IGSF9B: variants seen among roughly 807,000 people sequenced by gnomAD.
The protein encoded by IGSF9B is immunoglobulin superfamily member 9B, also known as protein turtle homolog B.
Under a neutral mutation model 143.7 loss-of-function variants are expected in IGSF9B, and 48 were observed. The ratio of observed to expected loss-of-function variants is 0.33; its 90% CI spans 0.26 to 0.42. The LOEUF is 0.42. IGSF9B is among the 20% of genes least tolerant of loss of function. The probability of loss-of-function intolerance (pLI) is 1.00; values close to 1 mark genes in which losing one functional copy is unlikely to be tolerated. For missense variants in IGSF9B, 1,706 were observed against 1,980.0 expected (o/e 0.86, Z 2.63); for synonymous variants, 903 against 833.1 (o/e 1.08, Z -1.44).
intron 12 of IGSF9B, 39 bp downstream of exon 12, chr11:133,929,632 A>C: frequency 7.0e-7 from 1 of 1,436,982 alleles, no homozygotes; most frequent in Admixed American, 1.7e-5. Context: ...GGAGAAGCAG[A>C]GAGCAAAGCA....
chr11:133,931,631 G>C lies in IGSF9B; in HGVS notation c.1251+24C>G. 2 of 1,608,066 alleles carry C rather than the reference G, an allele frequency of 1.2e-6. No individual in the cohort carries two copies. Among genetic ancestry groups the C allele is most frequent in the Non-Finnish European group, 1.7e-6 (2 of 1,176,222 alleles). On this transcript the variant is annotated intron_variant, in intron 9 of 19. Coordinates refer to ENST00000533871, the MANE Select transcript of IGSF9B (RefSeq NM_001277285.4). This position sits in a 1 kb window ranked among gnomAD's most constrained non-coding sequence, Gnocchi z 7.7. ...GGATCCAGGTGCCCAGCTCATGGAG[G>C]CCGTCACAGCCCTGGGACCTCACCT...
At position 133,936,807 on chromosome 11, in the gene IGSF9B, G is replaced by A. The variant is rs149637657; in HGVS notation, c.679+569C>T. Among the ~76,000 whole-genome samples, 887 of 152,260 alleles carry A rather than the reference G, an allele frequency of 5.8e-3. 8 individuals carry two copies. The highest frequency in any genetic ancestry group is 0.02 in the African/African-American group (843 of 41,552). Reference sequence around the variant, plus strand: ...GAGGCAGGGCTGGGGAGGCTAAGCCGGGGGCCGAGTTCAGCACAGGGTAGA... The same window carrying A: ...GAGGCAGGGCTGGGGAGGCTAAGCCAGGGGCCGAGTTCAGCACAGGGTAGA... On this transcript the variant is annotated intron_variant, in intron 5 of 19. Transcript: ENST00000533871.
At position 133,926,381 on chromosome 11, in the gene IGSF9B, C is replaced by T. The variant is rs921479113; in HGVS notation, c.1808-416G>A. On this transcript the variant is annotated intron_variant, in intron 13 of 19. Coordinates refer to ENST00000533871, the MANE Select transcript of IGSF9B (RefSeq NM_001277285.4). Reference sequence around the variant, plus strand: ...GTCCACCTTGGCGGCCGCTCAGGAGCGGATTCTGGGAAAGGGGCTGGAGTC... The same window carrying T: ...GTCCACCTTGGCGGCCGCTCAGGAGTGGATTCTGGGAAAGGGGCTGGAGTC... 2.0e-5 allele frequency among the ~76,000 whole-genome samples: 3 copies of T among 152,198 alleles called. No individual in the cohort carries two copies. In the East Asian group the frequency reaches 5.8e-4, roughly 29 times the overall value.
intron 1 of IGSF9B, among the ~76,000 whole-genome samples, chr11:133,947,071 C>T (rs751524798): frequency 1.6e-4 from 25 of 152,138 alleles, no homozygotes; most frequent in Non-Finnish European, 3.5e-4. Context: ...CGAAATCAGA[C>T]GGTGGGATAG....
chr11:133,929,679 G>A lies in IGSF9B; in HGVS notation c.1623C>T (p.Phe541=). ...PGYDGGYEQT[F]SVWMKRAQFG... is the part of the protein sequence containing the mutation. ...CTCACAGAGGTCCGTACCAAACTGAGAATGTCTGCTCGTAGCCTCCATCAT... is the reference window on the plus strand; with the variant it reads ...CTCACAGAGGTCCGTACCAAACTGAAAATGTCTGCTCGTAGCCTCCATCAT... The change falls in exon 12 of 20, where the codon TTC becomes TTT. Residue 541 remains phenylalanine, a synonymous_variant. Coordinates refer to ENST00000533871, the MANE Select transcript of IGSF9B (RefSeq NM_001277285.4). The A allele has an allele frequency of 6.2e-7, 1 of 1,610,598 alleles. No homozygotes were observed.
In IGSF9B at chr11:133,948,005, CTG is replaced by C. The variant is rs989059942; in HGVS notation, c.65-1749_65-1748del. Among the ~76,000 whole-genome samples the C allele has an allele frequency of 4.6e-5, 7 of 151,890 alleles. No individual in the cohort carries two copies. Among genetic ancestry groups the C allele is most frequent in the Admixed American group, 2.0e-4 (3 of 15,218 alleles). Reference sequence around the variant, plus strand: ...TCTAGCTCTTGCTCTGTGTGGGTGACTGTGTCTACCTGCCTATCTCTCTCCCT... The same window carrying C: ...TCTAGCTCTTGCTCTGTGTGGGTGACTGTCTACCTGCCTATCTCTCTCCCT... On this transcript the variant is annotated intron_variant, in intron 1 of 19. Transcript: ENST00000533871. This position sits in a 1 kb window ranked among gnomAD's most constrained non-coding sequence, Gnocchi z 4.7.
At chr11:133,932,522 TG>T (rs1232960916) in intron 7 of IGSF9B, among the ~76,000 whole-genome samples, 7 of 89,164 alleles carry the variant, frequency 7.9e-5, no homozygotes, top group Non-Finnish European at 2.2e-5. Context: ...GGAAGCCAGG[TG>T]GGAGAGCAGA....
rs1302704683 is a variant in IGSF9B, at chr11:133,904,121, T to A, written c.*4948A>T. On this transcript the variant is annotated 3_prime_UTR_variant, in exon 20 of 20. Transcript: ENST00000533871. ...CTCACGAAGCCACTGTGCAACTTCA[T>A]GGCCGGAAGGAAGCCTCTCTACCTC... is the stretch of plus-strand genomic sequence containing the variant. Among the ~76,000 whole-genome samples the A allele has an allele frequency of 1.3e-5, 2 of 152,144 alleles. No homozygotes were observed. Among genetic ancestry groups the A allele is most frequent in the Admixed American group, 6.5e-5 (1 of 15,288 alleles).
chr11:133,949,871 G>A (rs1299621675), intron 1 of IGSF9B, among the ~76,000 whole-genome samples: 1 of 150,864 alleles, frequency 6.6e-6, no homozygotes, highest in Non-Finnish European at 1.5e-5. Context: ...GTGGGCACAG[G>A]GAAAGGCACC....
At chr11:133,946,283 A>G in intron 1 of IGSF9B, 25 bp from the exon 2 acceptor site, 1 of 1,604,296 alleles carries the variant, frequency 6.2e-7, no homozygotes, top group Non-Finnish European at 8.5e-7. Context: ...CAGGTTGGAC[A>G]CAGAAAGGAG....
intron 3 of IGSF9B, among the ~76,000 whole-genome samples, chr11:133,942,471 C>T (rs543769160): frequency 7.2e-5 from 11 of 152,298 alleles, no homozygotes; most frequent in South Asian, 2.1e-4. Context: ...AACACAGATA[C>T]GCTCCAGAAC....
chr11:133,944,626 G>A (rs1940012525), intron 2 of IGSF9B, among the ~76,000 whole-genome samples: 1 of 152,194 alleles, frequency 6.6e-6, no homozygotes, highest in African/African-American at 2.4e-5. Context: ...ACTTGGCATT[G>A]AGAGCAGCCT....
At chr11:133,952,629 C>T (rs1940181037) in intron 1 of IGSF9B, among the ~76,000 whole-genome samples, 1 of 151,460 alleles carries the variant, frequency 6.6e-6, no homozygotes, top group South Asian at 2.1e-4. Flanking sequence ...CATGTGCATG[C>T]ACACGTATGG....
chr11:133,910,443 G>C (rs1369947275), intron 19 of IGSF9B, among the ~76,000 whole-genome samples: 1 of 152,202 alleles, frequency 6.6e-6, no homozygotes, highest in Non-Finnish European at 1.5e-5. Flanking sequence ...CAAAGGCTGA[G>C]CTAACAGGCA....
chr11:133,918,956 G>A, intron 18 of IGSF9B: 1 of 467,948 alleles, frequency 2.1e-6, no homozygotes. Context: ...AGGGGGAGGA[G>A]GAGCGGGGAC....
Position 133,909,774 on chromosome 11 carries a change from G to C in IGSF9B, c.4106-497C>G, listed in dbSNP as rs1041179170. Among the ~76,000 whole-genome samples, 5 of 152,342 alleles carry C rather than the reference G, an allele frequency of 3.3e-5. No individual in the cohort carries two copies. The highest frequency in any genetic ancestry group is 9.6e-5 in the African/African-American group (4 of 41,580). On this transcript the variant is annotated intron_variant, in intron 19 of 19. Coordinates refer to ENST00000533871, the MANE Select transcript of IGSF9B (RefSeq NM_001277285.4). This position sits in a 1 kb window ranked among gnomAD's most constrained non-coding sequence, Gnocchi z 4.2. Reference sequence around the variant, plus strand: ...TCATGGCCCTTCTGGAGATTAATCAGGAATGCCTTTGCTAGCTTCAAAGAC... The same window carrying C: ...TCATGGCCCTTCTGGAGATTAATCACGAATGCCTTTGCTAGCTTCAAAGAC...
chr11:133,934,322 AGCCTGCGTCCAGCACAGAGGGAC>A (rs1212116465), intron 7 of IGSF9B, among the ~76,000 whole-genome samples: 4 of 152,360 alleles, frequency 2.6e-5, no homozygotes, highest in African/African-American at 9.6e-5. Flanking sequence ...CAGGTGGCAC[AGCCTGCGTCCAGCACAGAGGGAC>A]GGGGCGCACC....
At chr11:133,941,683 T>C (rs1451951554) in intron 3 of IGSF9B, among the ~76,000 whole-genome samples, 1 of 152,178 alleles carries the variant, frequency 6.6e-6, no homozygotes, top group Non-Finnish European at 1.5e-5. Flanking sequence ...TTATCAGCCC[T>C]GGTTCTCAAG....
At position 133,931,210 on chromosome 11, in the gene IGSF9B, G is replaced by A. The variant is rs112883687; in HGVS notation, c.1369-76C>T. 3.7e-3 allele frequency: 5,449 copies of A among 1,467,794 alleles called. 62 individuals carry two copies. The highest frequency in any genetic ancestry group is 0.032 in the African/African-American group (2,261 of 71,656). The allele number at this position is 1,467,794 out of a possible 1,614,324, so 90.9% of individuals were successfully genotyped here. ...GAGAGAAGCCCGAAGCAGATGGGGA[G>A]GACGCGCCTGAGACCCCGGCCCGCC... On this transcript the variant is annotated intron_variant, in intron 10 of 19. Transcript: ENST00000533871. The surrounding 1 kb of genome is among the most constrained non-coding windows in gnomAD (Gnocchi z 7.7).
Sources: allele counts gnomAD v4.1 joint callset (sites outside exome capture counted in the v4.1 genomes callset), GRCh38; gene constraint gnomAD v4.1.1; non-coding constraint Gnocchi (gnomAD v3.1); transcripts MANE v1.5; gene names NCBI Gene and HGNC (gene_info 2026-07-23, HGNC 2026-07-21).